The following MCF2L2 variants were observed in gnomAD, a reference collection of about 807,000 sequenced individuals.
MCF2L2 encodes the protein MCF.2 cell line derived transforming sequence-like 2.
A neutral mutation model predicts 150.2 loss-of-function variants in MCF2L2; 102 were observed. The observed-to-expected ratio is 0.68, with a 90% CI of 0.58 to 0.80. The LOEUF (loss-of-function observed/expected upper bound fraction) is 0.80. MCF2L2 is among the 30% of genes least tolerant of loss of function. MCF2L2 has a pLI of 0.00. For synonymous variants in MCF2L2, 465 were observed against 491.3 expected (o/e 0.95, Z 0.71); for missense variants, 1,256 against 1,372.8 (o/e 0.91, Z 1.34).
In MCF2L2 at chr3:183,295,334, C is replaced by G. The variant is rs372792632; in HGVS notation, c.1641G>C (p.Trp547Cys). 5.0e-6 allele frequency: 8 copies of G among 1,611,088 alleles called. No homozygotes were observed. Among genetic ancestry groups the G allele is most frequent in the Non-Finnish European group, 5.9e-6 (7 of 1,178,852 alleles). ...AGGGCTGGCTGGTTTTTGATGACAC[C>G]CATTTTGGTGAAGACTCAGGATGTG... ...VAPHPESSPKWVSSKTSQPST... is the reference protein window; with the variant it reads ...VAPHPESSPKCVSSKTSQPST... The change falls in exon 13 of 30, where the codon TGG becomes TGC. Residue 547 changes from tryptophan to cysteine, a missense_variant. Trp to Cys is a radical substitution (Grantham distance 215). Transcript: ENST00000328913.
rs146494625 is a variant in MCF2L2, at chr3:183,263,940, C to T, written c.1862+12932G>A. 6.2e-3 allele frequency among the ~76,000 whole-genome samples: 944 copies of T among 152,204 alleles called. 3 individuals are homozygous for T. Among genetic ancestry groups the T allele is most frequent in the Non-Finnish European group, 7.7e-3 (524 of 68,016 alleles). On this transcript the variant is annotated intron_variant, in intron 15 of 29. Transcript: ENST00000328913. ...CTTCCGTCCCCATTTCCACCACCCTCGACTAGGCCTTCCTCACCTCATCCG... is the reference window on the plus strand; with the variant it reads ...CTTCCGTCCCCATTTCCACCACCCTTGACTAGGCCTTCCTCACCTCATCCG...
At chr3:183,269,981 C>T (rs1406151947) in intron 15 of MCF2L2, 2 of 1,613,936 alleles carry the variant, frequency 1.2e-6, no homozygotes, top group Non-Finnish European at 1.7e-6. Flanking sequence ...TGAATGATAC[C>T]CTGTCTCTTA....
chr3:183,289,413 T>C (rs1727993340), intron 13 of MCF2L2, among the ~76,000 whole-genome samples, 193 bp from the exon 14 acceptor site: 1 of 152,176 alleles, frequency 6.6e-6, no homozygotes, highest in South Asian at 2.1e-4. Context: ...AATAGAATCC[T>C]TGACTCCAGG....
chr3:183,238,463 T>C (rs1430937500), intron 15 of MCF2L2, among the ~76,000 whole-genome samples: 1 of 151,574 alleles, frequency 6.6e-6, no homozygotes, highest in Admixed American at 6.6e-5. Flanking sequence ...CCCAGCTAAC[T>C]TTTTGTATTT....
At position 183,270,402 on chromosome 3, in the gene MCF2L2, A is replaced by C. The variant is rs753064388; in HGVS notation, c.1862+6470T>G. 5 of 1,614,114 alleles carry C rather than the reference A, an allele frequency of 3.1e-6. No individual in the cohort carries two copies. Among genetic ancestry groups the C allele is most frequent in the Non-Finnish European group, 4.2e-6 (5 of 1,180,056 alleles). Reference sequence around the variant, plus strand: ...TGATGACATATTTATTCACATGCCAAATCTGATTGAGTACCTTCAAAGTTT... The same window carrying C: ...TGATGACATATTTATTCACATGCCACATCTGATTGAGTACCTTCAAAGTTT... On this transcript the variant is annotated intron_variant, in intron 15 of 29. Transcript: ENST00000328913. The surrounding 1 kb of genome is among the most constrained non-coding windows in gnomAD (Gnocchi z 4.5).
At position 183,276,963 on chromosome 3, in the gene MCF2L2, G is replaced by A. The variant is rs73884628; in HGVS notation, c.1777-6C>T. 8,116 of 1,587,434 alleles carry A rather than the reference G, an allele frequency of 5.1e-3. 331 individuals carry two copies. The African/African-American group carries it at 0.089, about 17-fold the overall frequency. ...CTTTCAAAGATTTCTTCACTCTGAA[G>A]TGAAAGAAATTTTGGTAAGATTTGA... On this transcript the variant is annotated splice_polypyrimidine_tract_variant and splice_region_variant and intron_variant, in intron 14 of 29. Coordinates refer to ENST00000328913, the MANE Select transcript of MCF2L2 (RefSeq NM_015078.4).
intron 1 of MCF2L2, among the ~76,000 whole-genome samples, chr3:183,409,253 G>A (rs948492708): frequency 2.6e-5 from 4 of 152,120 alleles, no homozygotes; most frequent in African/African-American, 9.7e-5. Context: ...TTTTTCAAAA[G>A]ATTTTTCAAA....
rs182369721 is a variant in MCF2L2, at chr3:183,213,499, G to A, written c.2496+2470C>T. Among the ~76,000 whole-genome samples, 248 of 151,918 alleles carry A rather than the reference G, an allele frequency of 1.6e-3. 1 individual carries two copies. The highest frequency in any genetic ancestry group is 4.7e-3 in the African/African-American group (193 of 41,416). Reference sequence around the variant, plus strand: ...CAATTTCTTTCCTTTATAAAACCAGGTTAATATTAAATTTCAAGCAGAGAA... The same window carrying A: ...CAATTTCTTTCCTTTATAAAACCAGATTAATATTAAATTTCAAGCAGAGAA... On this transcript the variant is annotated intron_variant, in intron 22 of 29. Transcript: ENST00000328913.
At position 183,305,296 on chromosome 3, in the gene MCF2L2, G is replaced by A. The variant is rs552218324; in HGVS notation, c.1113+4420C>T. Among the ~76,000 whole-genome samples the A allele has an allele frequency of 6.6e-6, 1 of 152,014 alleles. No individual in the cohort carries two copies. The highest frequency in any genetic ancestry group is 2.4e-5 in the African/African-American group (1 of 41,434). ...TGACTTTAGTCAAATATAGAAACAT[G>A]AGACTTGGCATGAAAGTCTCTGTTG... On this transcript the variant is annotated intron_variant, in intron 10 of 29. Transcript: ENST00000328913. This position sits in a 1 kb window ranked among gnomAD's most constrained non-coding sequence, Gnocchi z 4.1.
intron 1 of MCF2L2, among the ~76,000 whole-genome samples, chr3:183,402,470 A>AAAAG (rs1714819565): frequency 6.8e-6 from 1 of 146,232 alleles, no homozygotes; most frequent in African/African-American, 2.6e-5. Context: ...AAAAAAAAAA[A>AAAAG]AAAGAATATA....
intron 3 of MCF2L2, among the ~76,000 whole-genome samples, chr3:183,360,421 T>C (rs1712063903): frequency 6.6e-6 from 1 of 151,882 alleles, no homozygotes; most frequent in African/African-American, 2.4e-5. Context: ...AATTAAAAAT[T>C]AGCTGAGCAT....
At chr3:183,424,375 G>A (rs905997706) in intron 1 of MCF2L2, among the ~76,000 whole-genome samples, 5 of 152,162 alleles carry the variant, frequency 3.3e-5, no homozygotes, top group Non-Finnish European at 7.3e-5. Flanking sequence ...ACTTTCAAAT[G>A]GGGTTTTGGA....
At chr3:183,342,620 A>ATGTGTGTGTGTG (rs57683720) in intron 3 of MCF2L2, among the ~76,000 whole-genome samples, 1 of 142,866 alleles carries the variant, frequency 7.0e-6, no homozygotes, top group Non-Finnish European at 1.5e-5. Context: ...TGAAGATTAA[A>ATGTGTGTGTGTG]TGTGTGTGTG....
At chr3:183,203,094 T>C (rs929978347) in intron 25 of MCF2L2, among the ~76,000 whole-genome samples, 7 of 152,012 alleles carry the variant, frequency 4.6e-5, no homozygotes, top group African/African-American at 1.7e-4. Context: ...GCACCTGTAA[T>C]CCCAGCTACT....
chr3:183,396,534 A>G (rs1437389794), intron 1 of MCF2L2, among the ~76,000 whole-genome samples: 1 of 152,212 alleles, frequency 6.6e-6, no homozygotes, highest in East Asian at 1.9e-4. Flanking sequence ...TTGACTTTAG[A>G]TGACTGTTCT....
rs1452117289 is a variant in MCF2L2, at chr3:183,179,767, C to T, written c.3106-75G>A. Reference sequence around the variant, plus strand: ...GGCCAGACCGGGCAAGGTGGTGACTCCCGCTGGCAGGCTGAGGCCCACCCC... The same window carrying T: ...GGCCAGACCGGGCAAGGTGGTGACTTCCGCTGGCAGGCTGAGGCCCACCCC... On this transcript the variant is annotated intron_variant, in intron 28 of 29. Transcript: ENST00000328913. The surrounding 1 kb of genome is among the most constrained non-coding windows in gnomAD (Gnocchi z 4.2). 1.0e-5 allele frequency: 14 copies of T among 1,347,250 alleles called. No individual in the cohort carries two copies. The highest frequency in any genetic ancestry group is 1.4e-5 in the African/African-American group (1 of 69,324). 83.5% of individuals were successfully genotyped at this position (1,347,250 alleles called of 1,614,324 possible).
At chr3:183,412,358 G>A (rs765147274) in intron 1 of MCF2L2, among the ~76,000 whole-genome samples, 5 of 151,990 alleles carry the variant, frequency 3.3e-5, no homozygotes, top group African/African-American at 9.7e-5. Context: ...GCAGTGGTGC[G>A]ATCTCAGCTC....
At chr3:183,348,701 G>C (rs1263362526) in intron 3 of MCF2L2, among the ~76,000 whole-genome samples, 1 of 152,144 alleles carries the variant, frequency 6.6e-6, no homozygotes, top group Non-Finnish European at 1.5e-5. Context: ...GCTATCACTA[G>C]TCATAAGAAA....
At chr3:183,324,942 T>C (rs1002927230) in intron 5 of MCF2L2, among the ~76,000 whole-genome samples, 1 of 151,202 alleles carries the variant, frequency 6.6e-6, no homozygotes, top group Non-Finnish European at 1.5e-5. Flanking sequence ...TATGCAGCCA[T>C]AAAAAATGTA....
Sources: allele counts gnomAD v4.1 joint callset (sites outside exome capture counted in the v4.1 genomes callset), GRCh38; gene constraint gnomAD v4.1.1; non-coding constraint Gnocchi (gnomAD v3.1); transcripts MANE v1.5; gene names NCBI Gene and HGNC (gene_info 2026-07-23, HGNC 2026-07-21).